Variants in GALNT13 observed in about 807,000 individuals in gnomAD.
GALNT13 encodes UDP-GalNAc:polypeptide N-acetylgalactosaminyltransferase 13.
A neutral mutation model predicts 64.2 loss-of-function variants in GALNT13; 28 were observed. The observed-to-expected ratio is 0.44, with a 90% CI of 0.32 to 0.60. The LOEUF (loss-of-function observed/expected upper bound fraction) is 0.60. Among genes scored for constraint, GALNT13 ranks in the 20% least tolerant of loss-of-function variants. The pLI, the probability that GALNT13 is intolerant of heterozygous loss-of-function variation, is 0.05. For synonymous variants in GALNT13, 214 were observed against 224.6 expected, an observed-to-expected ratio of 0.95 and a Z score of 0.42; for missense variants, 577 against 669.8, an observed-to-expected ratio of 0.86 and a Z score of 1.53.
intron 3 of GALNT13, among the ~76,000 whole-genome samples, chr2:154,075,578 G>A (rs543536644): frequency 3.3e-5 from 5 of 151,640 alleles, no homozygotes; most frequent in Admixed American, 6.6e-5. Flanking sequence ...TTTTGTTATC[G>A]TAAATGATGT....
chr2:154,245,998 C>G lies in GALNT13; in HGVS notation c.857+16C>G, dbSNP rs770790426. On this transcript the variant is annotated intron_variant, in intron 7 of 12. Coordinates refer to ENST00000392825, the MANE Select transcript of GALNT13 (RefSeq NM_052917.4). ...TACCTGTCAGGTATGTAGATCATATCTCTTGAAGATTATGTATATCCCCCT... is the reference window on the plus strand; with the variant it reads ...TACCTGTCAGGTATGTAGATCATATGTCTTGAAGATTATGTATATCCCCCT... 9 of 1,583,546 alleles carry G rather than the reference C, an allele frequency of 5.7e-6. No individual in the cohort carries two copies. Among genetic ancestry groups the G allele is most frequent in the Non-Finnish European group, 6.9e-6 (8 of 1,155,310 alleles).
chr2:153,357,944 A>T, the GALNT13 span, among the ~76,000 whole-genome samples: 1 of 152,192 alleles, frequency 6.6e-6, no homozygotes. Flanking sequence ...TCCTCCCAAG[A>T]GGCATTTAGG....
At chr2:154,029,682 A>G (rs1485366752) in intron 3 of GALNT13, among the ~76,000 whole-genome samples, 1 of 152,204 alleles carries the variant, frequency 6.6e-6, no homozygotes, top group Non-Finnish European at 1.5e-5. Flanking sequence ...TGGCAAGAAA[A>G]AAATGGGCAC....
chr2:153,445,655 G>A, the GALNT13 span, among the ~76,000 whole-genome samples: 1 of 152,112 alleles, frequency 6.6e-6, no homozygotes. Context: ...TGGGACTACA[G>A]GTGTGAGCCA....
At chr2:153,957,092 A>G (rs1479257884) in intron 3 of GALNT13, among the ~76,000 whole-genome samples, 9 of 152,366 alleles carry the variant, frequency 5.9e-5, no homozygotes, top group Admixed American at 4.6e-4. Flanking sequence ...AAGATTATTT[A>G]TAAACCAATT....
intron 3 of GALNT13, among the ~76,000 whole-genome samples, chr2:154,125,218 A>G (rs1682187398): frequency 6.6e-6 from 1 of 152,202 alleles, no homozygotes; most frequent in African/African-American, 2.4e-5. Flanking sequence ...TGGGAACACA[A>G]CTGGTCATTG....
the GALNT13 span, among the ~76,000 whole-genome samples, chr2:153,248,763 C>T: frequency 8.7e-4 from 118 of 135,520 alleles, no homozygotes; most frequent in Middle Eastern, 5.4e-3. Context: ...TTGCAGTGAG[C>T]GGAGATCGAG....
chr2:153,696,684 A>G, the GALNT13 span, among the ~76,000 whole-genome samples: 1 of 152,198 alleles, frequency 6.6e-6, no homozygotes, highest in Admixed American at 6.5e-5. Context: ...ATCAATCAAA[A>G]TACGTTTGGA....
chr2:153,468,006 C>T, the GALNT13 span, among the ~76,000 whole-genome samples: 1 of 151,738 alleles, frequency 6.6e-6, no homozygotes, highest in Non-Finnish European at 1.5e-5. Flanking sequence ...CATATAATTT[C>T]AATGAAACGC....
At chr2:153,870,322 CT>C (rs546320827), upstream of GALNT13, among the ~76,000 whole-genome samples, 88 of 152,084 alleles carry the variant, frequency 5.8e-4, no homozygotes, top group African/African-American at 2.0e-3. Flanking sequence ...GGAATTGCGC[CT>C]TTTTTTAAGA....
the GALNT13 span, among the ~76,000 whole-genome samples, chr2:153,401,435 A>G: frequency 0.15 from 22,542 of 150,710 alleles, 1,926 homozygotes; most frequent in Middle Eastern, 0.28. Context: ...GTAGATGTCT[A>G]TTAGGTCTGC....
chr2:153,078,072 C>T, the GALNT13 span, among the ~76,000 whole-genome samples: 1 of 151,994 alleles, frequency 6.6e-6, no homozygotes, highest in South Asian at 2.1e-4. Flanking sequence ...TTCTCACTTT[C>T]CTTCTACCCT....
chr2:154,099,937 A>C (rs1406233745), intron 3 of GALNT13, among the ~76,000 whole-genome samples: 2 of 151,992 alleles, frequency 1.3e-5, no homozygotes, highest in Non-Finnish European at 2.9e-5. Context: ...GACCTTCAAA[A>C]AAATTCCAGC....
chr2:154,124,267 AAG>A (rs1292396907), intron 3 of GALNT13, among the ~76,000 whole-genome samples: 1 of 151,536 alleles, frequency 6.6e-6, no homozygotes, highest in Non-Finnish European at 1.5e-5. Context: ...AGAAGTTAAA[AAG>A]AGAGAGATAT....
chr2:153,169,493 T>G, the GALNT13 span, among the ~76,000 whole-genome samples: 4 of 152,136 alleles, frequency 2.6e-5, no homozygotes, highest in Admixed American at 1.3e-4. Flanking sequence ...AATTAGGAGT[T>G]AGATAGGACC....
chr2:154,276,858 T>C (rs1691677978), intron 8 of GALNT13, among the ~76,000 whole-genome samples: 1 of 152,174 alleles, frequency 6.6e-6, no homozygotes, highest in Non-Finnish European at 1.5e-5. Flanking sequence ...TTTCCCCCTT[T>C]TGCTGGGTGC....
At chr2:154,427,215 A>G (rs1168289042) in intron 11 of GALNT13, among the ~76,000 whole-genome samples, 2 of 152,188 alleles carry the variant, frequency 1.3e-5, no homozygotes, top group Non-Finnish European at 2.9e-5. Context: ...CAACATTTTG[A>G]CAAAGACTCC....
Position 153,884,033 on chromosome 2 carries a change from TGAA to T in GALNT13, c.-177+11732_-177+11734del, listed in dbSNP as rs1466290826. Reference sequence around the variant, plus strand: ...ATTAGGTATGGGGACTGGAGAGAGTTGAAGGAAAGGTTAGGGATTGGAATAGTA... The same window carrying T: ...ATTAGGTATGGGGACTGGAGAGAGTTGGAAAGGTTAGGGATTGGAATAGTA... On this transcript the variant is annotated intron_variant, in intron 1 of 12. Transcript: ENST00000392825. Among the ~76,000 whole-genome samples, 4 of 151,790 alleles carry T rather than the reference TGAA, an allele frequency of 2.6e-5. No homozygotes were observed. The East Asian group carries it at 7.8e-4, about 29-fold the overall frequency.
At chr2:153,246,425 G>T in the GALNT13 span, among the ~76,000 whole-genome samples, 3 of 152,196 alleles carry the variant, frequency 2.0e-5, no homozygotes, top group Non-Finnish European at 4.4e-5. Context: ...TGCAAAGGAA[G>T]CCCATCACAC....
Sources: gnomAD v4.1 joint callset for allele counts (sites outside exome capture counted in the v4.1 genomes callset) on GRCh38, gnomAD v4.1.1 for gene constraint, MANE v1.5 for transcripts, NCBI Gene and HGNC (gene_info 2026-07-23, HGNC 2026-07-21) for gene names.